SDK1: variants seen among roughly 807,000 people sequenced by gnomAD.
SDK1 encodes the protein protein sidekick-1.
A neutral mutation model predicts 245.5 loss-of-function variants in SDK1; 157 were observed. The ratio of observed to expected loss-of-function variants is 0.64; its 90% CI spans 0.56 to 0.73. The LOEUF is 0.73. SDK1 is among the 30% of genes least tolerant of loss of function. The probability of loss-of-function intolerance (pLI) is 0.00; values close to 1 mark genes in which losing one functional copy is unlikely to be tolerated. For missense variants in SDK1, 3,583 were observed against 3,002.3 expected (o/e 1.19, Z -4.52); for synonymous variants, 1,647 against 1,278.5 (o/e 1.29, Z -6.15).
intron 4 of SDK1, among the ~76,000 whole-genome samples, chr7:3,649,034 G>A (rs1242389098): frequency 6.6e-6 from 1 of 152,098 alleles, no homozygotes; most frequent in Non-Finnish European, 1.5e-5. Flanking sequence ...GACATTTCCT[G>A]AGCACTTAAT....
Position 4,266,077 on chromosome 7 carries a change from C to T in SDK1, c.*693C>T. On this transcript the variant is annotated 3_prime_UTR_variant, in exon 45 of 45. Coordinates refer to ENST00000404826, the MANE Select transcript of SDK1 (RefSeq NM_152744.4). The stretch of plus-strand genomic sequence containing the variant: ...CAGGCTTTTCTGCCTGTCTTTCCCC[C>T]TTCCTTCTCACCTGACAGCGAGGGA... 7.1e-6 allele frequency: 7 copies of T among 985,502 alleles called. No individual in the cohort carries two copies. Among genetic ancestry groups the T allele is most frequent in the South Asian group, 4.7e-5 (1 of 21,294 alleles). The allele number at this position is 985,502 out of a possible 1,614,324, so 61.0% of individuals were successfully genotyped here. A position where few individuals can be genotyped will look rare whatever the true frequency, so the allele number is the denominator to read the frequency against.
In SDK1 at chr7:3,520,228, T is replaced by G. The variant is rs183597471; in HGVS notation, c.299-98852T>G. On this transcript the variant is annotated intron_variant, in intron 1 of 44. Coordinates refer to ENST00000404826, the MANE Select transcript of SDK1 (RefSeq NM_152744.4). ...TTGTAAGTGACATGGTTTAAGGGTT[T>G]GGACCAACAGGTTCATAGTTTCACC... Among the ~76,000 whole-genome samples, 7 of 152,304 alleles carry G rather than the reference T, an allele frequency of 4.6e-5. No homozygotes were observed. The East Asian group carries it at 1.3e-3, about 29-fold the overall frequency.
intron 1 of SDK1, among the ~76,000 whole-genome samples, chr7:3,564,863 G>T (rs1779859718): frequency 6.6e-6 from 1 of 152,026 alleles, no homozygotes; most frequent in African/African-American, 2.4e-5. Flanking sequence ...ATGAAACCTC[G>T]ATTACAGTAC....
At chr7:3,724,607 C>T (rs1271620470) in intron 4 of SDK1, among the ~76,000 whole-genome samples, 1 of 152,062 alleles carries the variant, frequency 6.6e-6, no homozygotes, top group Non-Finnish European at 1.5e-5. Flanking sequence ...TGTTTGAAAG[C>T]GCATATGCAA....
Position 3,642,388 on chromosome 7 carries a change from G to C in SDK1, c.713+283G>C, listed in dbSNP as rs186467677. 2.5e-3 allele frequency among the ~76,000 whole-genome samples: 373 copies of C among 152,236 alleles called. 3 individuals carry two copies. Among genetic ancestry groups the C allele is most frequent in the South Asian group, 0.018 (85 of 4,820 alleles). On this transcript the variant is annotated intron_variant, in intron 4 of 44. Coordinates refer to ENST00000404826, the MANE Select transcript of SDK1 (RefSeq NM_152744.4). The stretch of plus-strand genomic sequence containing the variant: ...TGCAGTCCATTTTTTTCTTTTCTGA[G>C]TGTACTTTTTAAGATGTCATTGTCA...
intron 25 of SDK1, among the ~76,000 whole-genome samples, chr7:4,125,343 AGATGGATG>A (rs140627879): frequency 7.4e-4 from 97 of 131,600 alleles, no homozygotes; most frequent in Non-Finnish European, 1.0e-3. Context: ...ATGAATGAAT[AGATGGATG>A]GATGGATGGA....
intron 4 of SDK1, among the ~76,000 whole-genome samples, chr7:3,722,006 A>C (rs953615284): frequency 3.3e-5 from 5 of 152,024 alleles, no homozygotes. Flanking sequence ...GGCAACGATC[A>C]TGCCTCACTG....
chr7:3,872,893 C>G (rs1486959972), intron 5 of SDK1, among the ~76,000 whole-genome samples: 1 of 152,108 alleles, frequency 6.6e-6, no homozygotes, highest in Non-Finnish European at 1.5e-5. Flanking sequence ...ATTCCTTCTA[C>G]TATTATTGTC....
chr7:3,852,655 G>A (rs1321687888), intron 5 of SDK1, among the ~76,000 whole-genome samples: 2 of 149,170 alleles, frequency 1.3e-5, no homozygotes, highest in African/African-American at 5.0e-5. Flanking sequence ...GGAGGCTGAG[G>A]CAGGAGAATG....
intron 1 of SDK1, among the ~76,000 whole-genome samples, chr7:3,400,032 G>C (rs367839411): frequency 2.6e-5 from 4 of 152,124 alleles, no homozygotes; most frequent in South Asian, 4.1e-4. Flanking sequence ...TTGTGAATGG[G>C]GCTTCCCTGA....
chr7:4,111,949 A>T lies in SDK1; in HGVS notation c.3434+1177A>T, dbSNP rs75665758. Among the ~76,000 whole-genome samples, 1,202 of 152,264 alleles carry T rather than the reference A, an allele frequency of 7.9e-3. 14 individuals are homozygous for T. Among genetic ancestry groups the T allele is most frequent in the African/African-American group, 0.028 (1,166 of 41,556 alleles). On this transcript the variant is annotated intron_variant, in intron 23 of 44. Transcript: ENST00000404826. ...TAGTTAAGGAAACGGAGATCATCTG[A>T]TTTGCTGTAAGTCTCACAGTTACTC...
At position 3,912,837 on chromosome 7, in the gene SDK1, A is replaced by C. The variant is rs577605975; in HGVS notation, c.848-38086A>C. On this transcript the variant is annotated intron_variant, in intron 5 of 44. Transcript: ENST00000404826. ...ACCCGATTTCTTTATTTATACATGG[A>C]CTTGCTTGAAAAAGATTTCTAGTCC... Among the ~76,000 whole-genome samples, 5 of 152,262 alleles carry C rather than the reference A, an allele frequency of 3.3e-5. No homozygotes were observed. The East Asian group carries it at 9.7e-4, about 29-fold the overall frequency.
At chr7:3,371,063 T>C (rs1164269244) in intron 1 of SDK1, among the ~76,000 whole-genome samples, 1 of 152,156 alleles carries the variant, frequency 6.6e-6, no homozygotes, top group Non-Finnish European at 1.5e-5. Flanking sequence ...CCGTGTTTCG[T>C]GTACAACATA....
chr7:3,815,143 A>C (rs1353259992), intron 4 of SDK1, among the ~76,000 whole-genome samples: 1 of 103,586 alleles, frequency 9.7e-6, no homozygotes, highest in Non-Finnish European at 1.9e-5. Flanking sequence ...AGAACTTCCA[A>C]CACTATGTTG....
At position 3,647,334 on chromosome 7, in the gene SDK1, C is replaced by G. The variant is rs189521634; in HGVS notation, c.713+5229C>G. 2.9e-3 allele frequency among the ~76,000 whole-genome samples: 449 copies of G among 152,310 alleles called. 1 individual carries two copies. Among genetic ancestry groups the G allele is most frequent in the Admixed American group, 5.2e-3 (79 of 15,304 alleles). On this transcript the variant is annotated intron_variant, in intron 4 of 44. Transcript: ENST00000404826. Reference sequence around the variant, plus strand: ...AATAACGTCTTCCAAAGACTTCCCACTGTGTACAGATTAAAATCCAGATTC... The same window carrying G: ...AATAACGTCTTCCAAAGACTTCCCAGTGTGTACAGATTAAAATCCAGATTC...
chr7:3,384,674 C>A (rs10237582), intron 1 of SDK1, among the ~76,000 whole-genome samples: 1 of 152,198 alleles, frequency 6.6e-6, no homozygotes, highest in Non-Finnish European at 1.5e-5. Flanking sequence ...CTTCCCTTGC[C>A]ACATCGCGAA....
At chr7:3,536,125 C>G (rs1001506896) in intron 1 of SDK1, among the ~76,000 whole-genome samples, 2 of 151,326 alleles carry the variant, frequency 1.3e-5, no homozygotes, top group Admixed American at 6.6e-5. Context: ...GGTGCGATCT[C>G]GGCTCACTGC....
intron 5 of SDK1, among the ~76,000 whole-genome samples, chr7:3,943,027 C>G (rs114191935): frequency 6.6e-6 from 1 of 152,246 alleles, no homozygotes; most frequent in African/African-American, 2.4e-5. Context: ...TGTCCCTGTT[C>G]GAGCTGGCTG....
chr7:3,933,198 C>T (rs1437626519), intron 5 of SDK1, among the ~76,000 whole-genome samples: 1 of 144,122 alleles, frequency 6.9e-6, no homozygotes, highest in Non-Finnish European at 1.5e-5. Context: ...ACAGCCTTGA[C>T]CTCCTGGGCT....
Sources: allele counts gnomAD v4.1 joint callset (sites outside exome capture counted in the v4.1 genomes callset), GRCh38; gene constraint gnomAD v4.1.1; transcripts MANE v1.5; gene names NCBI Gene and HGNC (gene_info 2026-07-23, HGNC 2026-07-21).